The following BRD4 variants were observed in gnomAD, a reference collection of about 807,000 sequenced individuals.
BRD4 encodes bromodomain-containing protein 4.
BRD4 carries 16 observed loss-of-function variants against 142.1 expected under a neutral mutation model. That is an observed-to-expected ratio of 0.11 (90% confidence interval 0.08 to 0.17). BRD4 has a LOEUF of 0.17. Ranked by LOEUF, BRD4 falls within the 10% of genes least tolerant of loss-of-function variation. BRD4 has a pLI of 1.00. For missense variants in BRD4, 1,424 were observed against 1,810.9 expected, an observed-to-expected ratio of 0.79 and a Z score of 3.88; for synonymous variants, 833 against 707.5, an observed-to-expected ratio of 1.18 and a Z score of -2.82.
chr19:15,330,241 CTA>C (rs1361278243), intron 1 of BRD4, among the ~76,000 whole-genome samples: 2 of 152,162 alleles, frequency 1.3e-5, no homozygotes, highest in South Asian at 2.1e-4. Context: ...CTTTAAGATA[CTA>C]TGTTTCCTAC....
chr19:15,289,837 C>T (rs991888420), intron 1 of BRD4, among the ~76,000 whole-genome samples: 1 of 152,200 alleles, frequency 6.6e-6, no homozygotes, highest in Non-Finnish European at 1.5e-5. Context: ...GCCCACGGGG[C>T]ACCACCCACA....
chr19:15,237,631 GA>G lies in BRD4; in HGVS notation c.*745del, dbSNP rs562862448. ...ACAAAAAATATATATAGAAAAAAAAGAAAAAAAAAAACGAAACAGAAACACA... is the reference window on the plus strand; with the variant it reads ...ACAAAAAATATATATAGAAAAAAAAGAAAAAAAAAACGAAACAGAAACACA... On this transcript the variant is annotated 3_prime_UTR_variant, in exon 20 of 20. Coordinates refer to ENST00000679869, the MANE Select transcript of BRD4 (RefSeq NM_001379291.1). 1.8e-3 allele frequency: 341 copies of G among 184,832 alleles called. No individual in the cohort carries two copies. The highest frequency in any genetic ancestry group is 2.4e-3 in the East Asian group (28 of 11,538). The allele number at this position is 184,832 out of a possible 1,614,324, so 11.4% of individuals were successfully genotyped here.
intron 11 of BRD4, chr19:15,248,193 G>T (rs2047308430): frequency 4.5e-6 from 1 of 220,796 alleles, no homozygotes; most frequent in Admixed American, 5.8e-5. Flanking sequence ...GACCAAAAAA[G>T]GGCTGGTATT....
Position 15,239,280 on chromosome 19 carries a change from G to T in BRD4, c.3577-16C>A. 1 of 1,613,232 alleles carries T rather than the reference G, an allele frequency of 6.2e-7. No individual in the cohort carries two copies. The highest frequency in any genetic ancestry group is 8.5e-7 in the Non-Finnish European group (1 of 1,179,522). ...TTTTCAGGTCCTGCAGAACAGAGAG[G>T]TTGGGGTGGGTGAGGGGTCTGCTGT... On this transcript the variant is annotated splice_polypyrimidine_tract_variant and intron_variant, in intron 17 of 19. Coordinates refer to ENST00000679869, the MANE Select transcript of BRD4 (RefSeq NM_001379291.1). This position sits in a 1 kb window ranked among gnomAD's most constrained non-coding sequence, Gnocchi z 7.4.
In BRD4 at chr19:15,244,236, G is replaced by A. The variant is rs1455983233; in HGVS notation, c.2576C>T (p.Pro859Leu). The A allele has an allele frequency of 1.3e-6, 2 of 1,562,992 alleles. No individual in the cohort carries two copies. Among genetic ancestry groups the A allele is most frequent in the Non-Finnish European group, 8.6e-7 (1 of 1,157,004 alleles). Reference sequence around the variant, plus strand: ...TGGGGCAGGCCACGGCTCACCTGGAGGAGAGACCACTGCGTGCTGGTTGAG... The same window carrying A: ...TGGGGCAGGCCACGGCTCACCTGGAAGAGAGACCACTGCGTGCTGGTTGAG... Reference protein sequence around the residue: ...PHLNQHAVVSPPALHNALPQQ... With the variant: ...PHLNQHAVVSLPALHNALPQQ... Residue 859 changes from proline (P) to leucine (L), a missense_variant, in exon 13 of 20, where the codon CCT becomes CTT. By Grantham distance (98) the Pro-to-Leu change is moderately conservative. Transcript: ENST00000679869.
In BRD4 at chr19:15,268,975, T is replaced by C; in HGVS notation, c.353A>G (p.Tyr118Cys). The C allele has an allele frequency of 6.2e-7, 1 of 1,614,190 alleles. No individual in the cohort carries two copies. The highest frequency in any genetic ancestry group is 8.5e-7 in the Non-Finnish European group (1 of 1,180,020). The change falls in exon 3 of 20, where the codon TAT becomes TGT. Residue 118 changes from tyrosine to cysteine, a missense_variant. Tyr to Cys is a radical substitution (Grantham distance 194, BLOSUM62 -2). Around this residue, in one of 16 missense-constraint regions of BRD4, gnomAD observed 55 missense variants for 160.7 expected, o/e 0.34. Coordinates refer to ENST00000679869, the MANE Select transcript of BRD4 (RefSeq NM_001379291.1). Reference sequence around the variant, plus strand: ...GATACATTCCTGAGCATTCCAGTAATAGTTGTTTTCCAAGCGCTTCTTTAT... The same window carrying C: ...GATACATTCCTGAGCATTCCAGTAACAGTTGTTTTCCAAGCGCTTCTTTAT... ...GTIKKRLENN[Y>C]YWNAQECIQD...
rs1223031142 is a variant in BRD4, at chr19:15,255,493, C to A, written c.1851G>T (p.Gln617His). Residue 617 changes from glutamine (Q) to histidine (H), a missense_variant, in exon 10 of 20, where the codon CAG becomes CAT. Around this residue, in one of 16 missense-constraint regions of BRD4, gnomAD observed 46 missense variants for 110.4 expected, o/e 0.42. Transcript: ENST00000679869. Reference sequence around the variant, plus strand: ...GGAGCTTGTTGATGTCCAAGCTGAGCTGCCGCTTCTCCTCATAGGACATAG... The same window carrying A: ...GGAGCTTGTTGATGTCCAAGCTGAGATGCCGCTTCTCCTCATAGGACATAG... The part of the protein sequence containing the change: ...CKPMSYEEKR[Q>H]LSLDINKLPG... 6.2e-7 allele frequency: 1 copy of A among 1,614,214 alleles called. No homozygotes were observed. Among genetic ancestry groups the A allele is most frequent in the Non-Finnish European group, 8.5e-7 (1 of 1,180,050 alleles).
intron 2 of BRD4, among the ~76,000 whole-genome samples, chr19:15,272,433 A>G (rs1015321335): frequency 8.5e-5 from 13 of 152,192 alleles, no homozygotes; most frequent in African/African-American, 2.9e-4. Flanking sequence ...AGTTTGATCA[A>G]CTACGTCTAC....
At chr19:15,250,543 G>A (rs2145545314) in intron 11 of BRD4, among the ~76,000 whole-genome samples, 1 of 152,294 alleles carries the variant, frequency 6.6e-6, no homozygotes, top group Non-Finnish European at 1.5e-5. Flanking sequence ...CCAATCCTGG[G>A]AAAAGGAAGC....
intron 7 of BRD4, among the ~76,000 whole-genome samples, chr19:15,258,438 C>A (rs922876981): frequency 6.6e-6 from 1 of 152,180 alleles, no homozygotes; most frequent in Non-Finnish European, 1.5e-5. Context: ...TGCACACCAC[C>A]ATGCCCAACT....
intron 1 of BRD4, among the ~76,000 whole-genome samples, chr19:15,322,867 CAAA>C (rs71333367): frequency 6.1e-5 from 4 of 65,500 alleles, no homozygotes; most frequent in Admixed American, 1.9e-4. Context: ...ACTCTGTCTC[CAAA>C]AAAAAAAAAA....
chr19:15,256,037 C>T, intron 9 of BRD4, 27 bp downstream of exon 9: 1 of 1,609,076 alleles, frequency 6.2e-7, no homozygotes, highest in East Asian at 2.2e-5. Flanking sequence ...AGGGTCCCCA[C>T]CCAGGACAAA....
chr19:15,253,813 A>G (rs1241943339), intron 11 of BRD4: 1 of 1,563,832 alleles, frequency 6.4e-7, no homozygotes, highest in South Asian at 1.1e-5. Context: ...GGTCAACAGC[A>G]CAGCCTGGAC....
chr19:15,249,017 G>C (rs2145537930), intron 11 of BRD4: 1 of 564,202 alleles, frequency 1.8e-6, no homozygotes, highest in Non-Finnish European at 3.2e-6. Flanking sequence ...AGAGAACCAG[G>C]AAGGCTGGGC....
chr19:15,280,390 G>A (rs778713111), intron 1 of BRD4: 1 of 1,016,892 alleles, frequency 9.8e-7, no homozygotes, highest in African/African-American at 1.7e-5. Context: ...AAGCAGCTGG[G>A]TGCCATGTGG....
chr19:15,297,285 GCA>G (rs1454986998), intron 1 of BRD4, among the ~76,000 whole-genome samples: 1 of 152,186 alleles, frequency 6.6e-6, no homozygotes, highest in African/African-American at 2.4e-5. Flanking sequence ...TGACCAGGCT[GCA>G]CAGACTGCAG....
At chr19:15,240,638 G>A (rs2145504517) in intron 14 of BRD4, among the ~76,000 whole-genome samples, 1 of 152,306 alleles carries the variant, frequency 6.6e-6, no homozygotes, top group Admixed American at 6.5e-5. Flanking sequence ...CTGTCTCTTA[G>A]GAAACAGGCC....
In BRD4 at chr19:15,243,093, G is replaced by T; in HGVS notation, c.2976C>A (p.Pro992=). The T allele has an allele frequency of 6.7e-7, 1 of 1,495,416 alleles. No homozygotes were observed. The highest frequency in any genetic ancestry group is 8.9e-7 in the Non-Finnish European group (1 of 1,124,470). The allele number at this position is 1,495,416 out of a possible 1,614,324, so 92.6% of individuals were successfully genotyped here. The change falls in exon 14 of 20, where the codon CCC becomes CCA. Residue 992 remains proline, a synonymous_variant. Coordinates refer to ENST00000679869, the MANE Select transcript of BRD4 (RefSeq NM_001379291.1). ...PQPPPQQQHQ[P]PPRPVHLQPM... is the part of the protein sequence containing the mutation. ...GCTGCAAGTGCACGGGCCGTGGAGGGGGCTGATGCTGCTGCTGGGGTGGAG... is the reference window on the plus strand; with the variant it reads ...GCTGCAAGTGCACGGGCCGTGGAGGTGGCTGATGCTGCTGCTGGGGTGGAG...
At chr19:15,262,750 AGAT>A (rs912349684) in intron 7 of BRD4, among the ~76,000 whole-genome samples, 16 of 152,118 alleles carry the variant, frequency 1.1e-4, no homozygotes, top group Admixed American at 5.9e-4. Flanking sequence ...AAAATAGAAA[AGAT>A]GATGATGATA....
Sources: gnomAD v4.1 joint callset for allele counts (sites outside exome capture counted in the v4.1 genomes callset) on GRCh38, gnomAD v4.1.1 for gene constraint, gnomAD v4.1.1 regional missense constraint, Gnocchi (gnomAD v3.1) non-coding constraint, MANE v1.5 for transcripts, NCBI Gene and HGNC (gene_info 2026-07-23, HGNC 2026-07-21) for gene names.